RMDN3: variants seen among roughly 807,000 people sequenced by gnomAD.
The protein encoded by RMDN3 is regulator of microtubule dynamics 3.
In RMDN3, 41 loss-of-function variants were observed where a neutral mutation model predicts 61.8. The observed-to-expected ratio is 0.66, with a 90% CI of 0.52 to 0.86. The LOEUF (loss-of-function observed/expected upper bound fraction) is 0.86. RMDN3 is among the 40% of genes least tolerant of loss of function. The pLI is 0.00. For synonymous variants in RMDN3, 247 were observed against 232.0 expected (o/e 1.06, Z -0.59); for missense variants, 557 against 585.3 (o/e 0.95, Z 0.50).
intron 4 of RMDN3, among the ~76,000 whole-genome samples, 158 bp from the exon 5 acceptor site, chr15:40,745,417 T>TC (rs1022280411): frequency 3.7e-4 from 55 of 149,706 alleles, no homozygotes; most frequent in East Asian, 2.0e-4. Context: ...TTTTTCTTTT[T>TC]TTTTTTTTTT....
intron 6 of RMDN3, among the ~76,000 whole-genome samples, chr15:40,741,620 ATTTTTTTT>A (rs553262858): frequency 8.1e-4 from 58 of 71,734 alleles, no homozygotes; most frequent in African/African-American, 2.6e-3. Flanking sequence ...GCAACATAGG[ATTTTTTTT>A]TTTTTTTTTT....
chr15:40,741,699 G>C (rs1458316397), intron 6 of RMDN3, among the ~76,000 whole-genome samples: 1 of 134,760 alleles, frequency 7.4e-6, no homozygotes, highest in Non-Finnish European at 1.5e-5. Flanking sequence ...GCACGATCTA[G>C]GCTCACCGCA....
rs561915393 is a variant in RMDN3 at position 40,740,135 on chromosome 15, C to G, written c.969G>C (p.Leu323=). 1.7e-5 allele frequency: 28 copies of G among 1,605,470 alleles called. No individual in the cohort carries two copies. Among genetic ancestry groups the G allele is most frequent in the Non-Finnish European group, 2.3e-5 (27 of 1,172,814 alleles). ...EKGDESADCH[L]WYAVLCGQLA... ...AGAACACTGCAGGGTGTTATTACCA[C>G]AGGTGACAGTCAGCACTCTCATCCC... Residue 323 remains leucine, a splice_region_variant and synonymous_variant, in exon 7 of 13, where the codon CTG becomes CTC. Coordinates refer to ENST00000338376, the MANE Select transcript of RMDN3 (RefSeq NM_018145.3).
In RMDN3 at chr15:40,747,951, C is replaced by T. The variant is rs947448892; in HGVS notation, c.525-2692G>A. Among the ~76,000 whole-genome samples the T allele has an allele frequency of 3.3e-5, 5 of 152,140 alleles. No individual in the cohort carries two copies. The South Asian group carries it at 8.3e-4, about 25-fold the overall frequency. The stretch of plus-strand genomic sequence containing the variant: ...ATAAATGCCCAAGAAGGAGTCTTCA[C>T]GATGAGGCTGCAGGCAATTTCTCTT... On this transcript the variant is annotated intron_variant, in intron 4 of 12. Coordinates refer to ENST00000338376, the MANE Select transcript of RMDN3 (RefSeq NM_018145.3).
rs1897971293 is a variant in RMDN3 at position 40,754,743 on chromosome 15, A to G, written c.41T>C (p.Leu14Pro). 1.3e-6 allele frequency: 2 copies of G among 1,590,686 alleles called. No individual in the cohort carries two copies. Among genetic ancestry groups the G allele is most frequent in the African/African-American group, 2.7e-5 (2 of 73,878 alleles). Reference sequence around the variant, plus strand: ...GGCGGCGGTACCCAGCAACAGTCCCAGCCCGGCACGGGCACCACCCAGGGC... The same window carrying G: ...GGCGGCGGTACCCAGCAACAGTCCCGGCCCGGCACGGGCACCACCCAGGGC... ...LGALGGARAG[L>P]GLLLGTAAGL... Residue 14 changes from leucine to proline, a missense_variant, in exon 2 of 13, where the codon CTG becomes CCG. By Grantham distance (98) the Leu-to-Pro change is moderately conservative (BLOSUM62 -3). Transcript: ENST00000338376.
chr15:40,744,300 C>G, intron 5 of RMDN3, 151 bp from the exon 6 acceptor site: 1 of 646,920 alleles, frequency 1.5e-6, no homozygotes, highest in Non-Finnish European at 2.7e-6. Flanking sequence ...AGCCTTCCCC[C>G]CAGTCATCCC....
rs1897975917 is a variant in RMDN3 at position 40,754,807 on chromosome 15, T to A, written c.-7-17A>T. Reference sequence around the variant, plus strand: ...ATGCTGCACCTGCGGCCAGCAGAAGTCACCGGGAGCAGGCAGGCGGGCGGG... The same window carrying A: ...ATGCTGCACCTGCGGCCAGCAGAAGACACCGGGAGCAGGCAGGCGGGCGGG... On this transcript the variant is annotated splice_polypyrimidine_tract_variant and intron_variant, in intron 1 of 12. Coordinates refer to ENST00000338376, the MANE Select transcript of RMDN3 (RefSeq NM_018145.3). 1.9e-5 allele frequency: 21 copies of A among 1,100,594 alleles called. No homozygotes were observed. The highest frequency in any genetic ancestry group is 2.7e-5 in the Non-Finnish European group (21 of 786,162). 68.2% of individuals were successfully genotyped at this position (1,100,594 alleles called of 1,614,324 possible).
At chr15:40,740,111 G>T in intron 7 of RMDN3, 22 bp downstream of exon 7, 1 of 1,559,384 alleles carries the variant, frequency 6.4e-7, no homozygotes, top group African/African-American at 1.4e-5. Flanking sequence ...GCTCTTCCCA[G>T]AACACTGCAG....
Position 40,753,521 on chromosome 15 carries a change from GAAAAGAAAAGAA to G in RMDN3, c.187+1064_187+1075del, listed in dbSNP as rs562680054. On this transcript the variant is annotated intron_variant, in intron 2 of 12. Transcript: ENST00000338376. ...GAGCGAGACTCCATCTCAAAAAAAA[GAAAAGAAAAGAA>G]AAAAGAAAAGAAAAGAAAAAAAACA... is the stretch of plus-strand genomic sequence containing the variant. Among the ~76,000 whole-genome samples the G allele has an allele frequency of 8.6e-3, 1,299 of 151,524 alleles. 17 individuals carry two copies. The highest frequency in any genetic ancestry group is 0.029 in the African/African-American group (1,192 of 41,254).
intron 1 of RMDN3, 21 bp from the exon 2 acceptor site, chr15:40,754,811 C>T: frequency 1.2e-6 from 1 of 863,988 alleles, no homozygotes; most frequent in Non-Finnish European, 1.7e-6. Flanking sequence ...CAGAAGTCAC[C>T]GGGAGCAGGC....
rs1897044957 is a variant in RMDN3 at position 40,736,403 on chromosome 15, G to A, written c.*138C>T. Reference sequence around the variant, plus strand: ...AGGTTAGAATAAATTAACTAATGGGGAGTGGTAGTGGGTAGCAGTCAGACC... The same window carrying A: ...AGGTTAGAATAAATTAACTAATGGGAAGTGGTAGTGGGTAGCAGTCAGACC... On this transcript the variant is annotated 3_prime_UTR_variant, in exon 13 of 13. Transcript: ENST00000338376. 4.2e-6 allele frequency: 3 copies of A among 706,374 alleles called. No homozygotes were observed. The highest frequency in any genetic ancestry group is 5.0e-6 in the Non-Finnish European group (2 of 402,468). 43.8% of individuals were successfully genotyped at this position (706,374 alleles called of 1,614,324 possible).
At chr15:40,753,138 G>T (rs1897896910) in intron 2 of RMDN3, among the ~76,000 whole-genome samples, 1 of 152,056 alleles carries the variant, frequency 6.6e-6, no homozygotes, top group East Asian at 1.9e-4. Context: ...TAAGCTGATA[G>T]CTCTTTGAAG....
Position 40,736,404 on chromosome 15 carries a change from A to G in RMDN3, c.*137T>C. ...GGTTAGAATAAATTAACTAATGGGG[A>G]GTGGTAGTGGGTAGCAGTCAGACCC... is the stretch of plus-strand genomic sequence containing the variant. On this transcript the variant is annotated 3_prime_UTR_variant, in exon 13 of 13. Coordinates refer to ENST00000338376, the MANE Select transcript of RMDN3 (RefSeq NM_018145.3). 1 of 705,882 alleles carries G rather than the reference A, an allele frequency of 1.4e-6. No homozygotes were observed. The allele number at this position is 705,882 out of a possible 1,614,324, so 43.7% of individuals were successfully genotyped here. A position where few individuals can be genotyped will look rare whatever the true frequency, so the allele number is the denominator to read the frequency against.
chr15:40,744,502 G>A (rs368872208), intron 5 of RMDN3, among the ~76,000 whole-genome samples: 3 of 150,004 alleles, frequency 2.0e-5, no homozygotes, highest in Non-Finnish European at 3.0e-5. Context: ...CTAACTTCTG[G>A]GGGGGGGGCA....
At position 40,754,765 on chromosome 15, in the gene RMDN3, G is replaced by C. The variant is rs1462026914; in HGVS notation, c.19C>G (p.Leu7Val). The C allele has an allele frequency of 1.2e-6, 2 of 1,608,342 alleles. No individual in the cohort carries two copies. The highest frequency in any genetic ancestry group is 1.1e-5 in the South Asian group (1 of 90,700). MSRLGA[L>V]GGARAGLGLL... Reference sequence around the variant, plus strand: ...CCCAGCCCGGCACGGGCACCACCCAGGGCTCCCAGTCTAGACATGCTGCAC... The same window carrying C: ...CCCAGCCCGGCACGGGCACCACCCACGGCTCCCAGTCTAGACATGCTGCAC... The change falls in exon 2 of 13, where the codon CTG becomes GTG. Residue 7 changes from leucine to valine, a missense_variant. Leu to Val is a conservative substitution (Grantham distance 32). Transcript: ENST00000338376.
chr15:40,746,311 C>T (rs558169236), intron 4 of RMDN3, among the ~76,000 whole-genome samples: 16 of 152,154 alleles, frequency 1.1e-4, no homozygotes, highest in Admixed American at 9.8e-4. Context: ...GTCAGGAGAT[C>T]AAGACCATCC....
chr15:40,737,439 G>C, intron 10 of RMDN3, 98 bp from the exon 11 acceptor site: 1 of 1,244,330 alleles, frequency 8.0e-7, no homozygotes. Context: ...CCATGTGGCT[G>C]ATTCAGTGGG....
chr15:40,744,260 G>A, intron 5 of RMDN3, 111 bp from the exon 6 acceptor site: 1 of 921,488 alleles, frequency 1.1e-6, no homozygotes, highest in South Asian at 1.4e-5. Context: ...GTATGTTACA[G>A]TCATCAATAT....
chr15:40,736,196 T>G lies in RMDN3; in HGVS notation c.*345A>C. On this transcript the variant is annotated 3_prime_UTR_variant, in exon 13 of 13. Transcript: ENST00000338376. ...GATTAAAGTGACAAGTTATGTGCTT[T>G]GTTCCTATAGCTTTGAAGTTCATCC... 3.5e-6 allele frequency: 1 copy of G among 288,884 alleles called. No homozygotes were observed. The highest frequency in any genetic ancestry group is 6.4e-6 in the Non-Finnish European group (1 of 156,818). The allele number at this position is 288,884 out of a possible 1,614,324, so 17.9% of individuals were successfully genotyped here.
Sources: gnomAD v4.1 joint callset for allele counts (sites outside exome capture counted in the v4.1 genomes callset) on GRCh38, gnomAD v4.1.1 for gene constraint, MANE v1.5 for transcripts, NCBI Gene and HGNC (gene_info 2026-07-23, HGNC 2026-07-21) for gene names.